HNRNPA3: variants seen among roughly 807,000 people sequenced by gnomAD.
The protein encoded by HNRNPA3 is heterogeneous nuclear ribonucleoprotein A3.
Under a neutral mutation model 45.8 loss-of-function variants are expected in HNRNPA3, and 3 were observed. The ratio of observed to expected loss-of-function variants is 0.07; its 90% CI spans 0.03 to 0.17. The LOEUF is 0.17. HNRNPA3 is among the 10% of genes least tolerant of loss of function. The pLI, the probability that HNRNPA3 is intolerant of heterozygous loss-of-function variation, is 1.00. For missense variants in HNRNPA3, 183 were observed against 480.3 expected, an observed-to-expected ratio of 0.38 and a Z score of 5.79; for synonymous variants, 170 against 155.6, an observed-to-expected ratio of 1.09 and a Z score of -0.69.
chr2:177,220,431 T>G (rs1689138914), downstream of HNRNPA3: 1 of 154,632 alleles, frequency 6.5e-6, no homozygotes. Context: ...TTTTTCTTAT[T>G]TAAAGCACAA....
At chr2:177,218,063 T>TTTTTTTTTTC (rs1689031079) in intron 8 of HNRNPA3, among the ~76,000 whole-genome samples, 1 of 16,470 alleles carries the variant, frequency 6.1e-5, no homozygotes, top group African/African-American at 8.2e-5. Flanking sequence ...TTTTTTTTTT[T>TTTTTTTTTTC]TTTTTTTTTT....
downstream of HNRNPA3, chr2:177,220,374 T>G (rs906995391): frequency 6.5e-6 from 1 of 154,154 alleles, no homozygotes; most frequent in African/African-American, 2.4e-5. Context: ...TTTGAAAATA[T>G]AGAACCATTA....
chr2:177,218,686 T>C (rs920509844), intron 8 of HNRNPA3, among the ~76,000 whole-genome samples: 5 of 152,210 alleles, frequency 3.3e-5, no homozygotes, highest in African/African-American at 1.2e-4. Flanking sequence ...AATGCACTGT[T>C]TTATTGGACC....
exon 11 of HNRNPA3, chr2:177,219,965 C>T (rs987362276): frequency 2.0e-5 from 3 of 152,456 alleles, no homozygotes; most frequent in Non-Finnish European, 4.4e-5. Context: ...ATCTATTCTC[C>T]CCATTTCCAA....
downstream of HNRNPA3, chr2:177,222,819 C>T (rs1208915085): frequency 1.3e-5 from 2 of 152,590 alleles, no homozygotes; most frequent in Non-Finnish European, 2.9e-5. Flanking sequence ...AAAGGTTGGT[C>T]TTCAAGTGGC....
intron 1 of HNRNPA3, among the ~76,000 whole-genome samples, chr2:177,214,401 G>A (rs1260796874): frequency 6.6e-6 from 1 of 151,896 alleles, no homozygotes; most frequent in East Asian, 1.9e-4. Context: ...ATGCTGGTTT[G>A]GCTTAGGAAT....
chr2:177,219,362 CTG>C, intron 10 of HNRNPA3, 44 bp from the exon 11 acceptor site: 1 of 1,349,388 alleles, frequency 7.4e-7, no homozygotes, highest in South Asian at 1.2e-5. Context: ...ATATGTGGAA[CTG>C]TTCACTGAGT....
intron 8 of HNRNPA3, 74 bp downstream of exon 8, chr2:177,217,919 A>G (rs934208572): frequency 7.4e-7 from 1 of 1,355,574 alleles, no homozygotes; most frequent in Middle Eastern, 1.9e-4. Flanking sequence ...CATATTTGGA[A>G]AGTGTTAAAA....
At chr2:177,217,578 GGT>G in intron 7 of HNRNPA3, 125 bp from the exon 8 acceptor site, 1 of 1,099,652 alleles carries the variant, frequency 9.1e-7, no homozygotes, top group Non-Finnish European at 1.4e-6. Flanking sequence ...GCATTGCTGT[GGT>G]TGCACCACTG....
chr2:177,219,217 C>T (rs372775565), intron 9 of HNRNPA3, 30 bp from the exon 10 acceptor site: 123 of 1,611,498 alleles, frequency 7.6e-5, no homozygotes, highest in East Asian at 1.1e-4. Context: ...AATGTGCATA[C>T]TTCTTTTAAA....
chr2:177,223,051 T>G (rs8334), downstream of HNRNPA3: 137,648 of 152,538 alleles, frequency 0.9, 62,205 homozygotes, highest in Non-Finnish European at 0.91. Flanking sequence ...AACAATTTAG[T>G]CGGATAGTTT....
chr2:177,222,335 T>A (rs1396530942), downstream of HNRNPA3: 1 of 152,258 alleles, frequency 6.6e-6, no homozygotes, highest in Non-Finnish European at 1.5e-5. Flanking sequence ...AGTATTCATA[T>A]CAAGTCAGTT....
At chr2:177,220,780 T>C (rs1182588700), downstream of HNRNPA3, 1 of 152,634 alleles carries the variant, frequency 6.6e-6, no homozygotes, top group Non-Finnish European at 1.5e-5. Flanking sequence ...CCAATTTGTT[T>C]GGAAGGCCCT....
chr2:177,222,131 T>G (rs1406205455), downstream of HNRNPA3: 10 of 152,640 alleles, frequency 6.6e-5, no homozygotes, highest in Admixed American at 6.5e-4. Flanking sequence ...GGTTTCTGGC[T>G]GGGTAAGGTT....
exon 7 of HNRNPA3, chr2:177,216,926 G>A (rs1688966447): frequency 6.4e-7 from 1 of 1,561,422 alleles, no homozygotes; most frequent in Non-Finnish European, 8.7e-7. Flanking sequence ...GGATATAATG[G>A]ATTTGGAGGT....
At chr2:177,216,283 A>G (rs181891118) in intron 4 of HNRNPA3, 95 bp downstream of exon 4, 2 of 854,698 alleles carry the variant, frequency 2.3e-6, no homozygotes, top group African/African-American at 1.7e-5. Flanking sequence ...TGTTGCGTGT[A>G]ATGGCATTTA....
intron 1 of HNRNPA3, 141 bp from the exon 2 acceptor site, chr2:177,215,398 G>A (rs1045391004): frequency 2.3e-6 from 2 of 879,768 alleles, no homozygotes; most frequent in African/African-American, 3.4e-5. Flanking sequence ...CCGGTGTCTG[G>A]TCAAAGTTTT....
chr2:177,215,949 C>G, intron 3 of HNRNPA3, 29 bp from the exon 4 acceptor site: 1 of 1,596,706 alleles, frequency 6.3e-7, no homozygotes, highest in Non-Finnish European at 8.5e-7. Flanking sequence ...AAGTTTGTTT[C>G]TTGACTTAAT....
Position 177,217,860 on chromosome 2 carries a change from G to T in HNRNPA3, c.961+15G>T, listed in dbSNP as rs1440437971. ...TTTTGGCGGTGGTAAGCATTCACTT[G>T]TTTTATTTAAATGTTAAATATTCAG... On this transcript the variant is annotated intron_variant, in intron 8 of 10. Coordinates refer to ENST00000392524, the Ensembl canonical transcript of HNRNPA3. The T allele has an allele frequency of 6.5e-7, 1 of 1,546,140 alleles. No homozygotes were observed. Among genetic ancestry groups the T allele is most frequent in the South Asian group, 1.2e-5 (1 of 80,180 alleles).
Sources: gnomAD v4.1 joint callset for allele counts (sites outside exome capture counted in the v4.1 genomes callset) on GRCh38, gnomAD v4.1.1 for gene constraint, MANE v1.5 for transcripts, NCBI Gene and HGNC (gene_info 2026-07-23, HGNC 2026-07-21) for gene names.